Variants in DNMBP observed in about 807,000 individuals in gnomAD.
DNMBP encodes the protein dynamin-binding protein.
In DNMBP, 87 loss-of-function variants were observed where a neutral mutation model predicts 150.0. The ratio of observed to expected loss-of-function variants is 0.58; its 90% CI spans 0.49 to 0.69. DNMBP has a LOEUF of 0.69. Among genes scored for constraint, DNMBP ranks in the 30% least tolerant of loss-of-function variants. DNMBP has a pLI of 0.00. For synonymous variants in DNMBP, 711 were observed against 750.4 expected (o/e 0.95, Z 0.86); for missense variants, 1,774 against 1,949.0 (o/e 0.91, Z 1.69).
intron 1 of DNMBP, among the ~76,000 whole-genome samples, chr10:99,988,396 G>A (rs1304458128): frequency 6.6e-6 from 1 of 152,052 alleles, no homozygotes; most frequent in Non-Finnish European, 1.5e-5. Context: ...TGGCCCACTG[G>A]GTACAGGAAA....
chr10:99,898,390 T>C (rs1414525762), intron 8 of DNMBP, 105 bp from the exon 9 acceptor site: 1 of 861,858 alleles, frequency 1.2e-6, no homozygotes, highest in Non-Finnish European at 1.9e-6. Context: ...TTTAACATAA[T>C]AATAATGTAC....
chr10:99,940,858 G>T (rs913419830), intron 4 of DNMBP, among the ~76,000 whole-genome samples: 12 of 151,974 alleles, frequency 7.9e-5, no homozygotes, highest in Admixed American at 3.9e-4. Context: ...ACCTTACTTG[G>T]CCTCTCGGCA....
At chr10:99,973,111 T>C (rs1053623178) in intron 1 of DNMBP, among the ~76,000 whole-genome samples, 1 of 146,652 alleles carries the variant, frequency 6.8e-6, no homozygotes, top group African/African-American at 2.6e-5. Flanking sequence ...ATTTATTTAT[T>C]TGTAGAGATG....
chr10:99,929,628 T>G (rs748988440), intron 4 of DNMBP: 36 of 685,386 alleles, frequency 5.3e-5, no homozygotes, highest in Non-Finnish European at 9.2e-5. Context: ...CTTGCTGTTT[T>G]GCACGAACTC....
At chr10:99,949,659 T>C (rs2133319312) in intron 4 of DNMBP, among the ~76,000 whole-genome samples, 1 of 152,310 alleles carries the variant, frequency 6.6e-6, no homozygotes, top group African/African-American at 2.4e-5. Flanking sequence ...CTGTATTTGG[T>C]GGATTCAAAT....
chr10:99,974,649 C>T (rs1812070725), intron 1 of DNMBP, among the ~76,000 whole-genome samples: 1 of 152,086 alleles, frequency 6.6e-6, no homozygotes, highest in Non-Finnish European at 1.5e-5. Context: ...TCAACCATCT[C>T]AAGTACTTAT....
chr10:99,974,161 TAAGA>T (rs2040704910), intron 1 of DNMBP, among the ~76,000 whole-genome samples: 1 of 152,070 alleles, frequency 6.6e-6, no homozygotes, highest in Non-Finnish European at 1.5e-5. Context: ...TAAAAATCTG[TAAGA>T]AAGGAAGAAA....
chr10:100,000,552 A>C (rs1239416130), intron 1 of DNMBP, among the ~76,000 whole-genome samples: 4 of 152,144 alleles, frequency 2.6e-5, no homozygotes, highest in Non-Finnish European at 4.4e-5. Context: ...TTTCATTTGC[A>C]ATGTCAAAGA....
intron 3 of DNMBP, among the ~76,000 whole-genome samples, chr10:99,962,114 TAGAAA>T (rs749811878): frequency 2.0e-5 from 3 of 152,088 alleles, no homozygotes; most frequent in Non-Finnish European, 4.4e-5. Flanking sequence ...GTCTATAGCC[TAGAAA>T]AGAAATTATT....
intron 16 of DNMBP, among the ~76,000 whole-genome samples, chr10:99,879,422 G>C (rs1394637022): frequency 6.6e-6 from 1 of 152,042 alleles, no homozygotes. Flanking sequence ...AGTGAGCTGA[G>C]ATCATGCATT....
chr10:99,885,551 G>A lies in DNMBP; in HGVS notation c.3798+136C>T, dbSNP rs1054898835. ...TGGCGAATGCATGAGCCCATGATGG[G>A]TGAGAATGCAACACTATTCTCCATT... On this transcript the variant is annotated intron_variant, in intron 14 of 16. Transcript: ENST00000324109. 11 of 838,730 alleles carry A rather than the reference G, an allele frequency of 1.3e-5. No homozygotes were observed. In the Admixed American group the frequency reaches 3.0e-4, roughly 23 times the overall value. 52.0% of individuals were successfully genotyped at this position (838,730 alleles called of 1,614,324 possible).
At chr10:100,005,785 C>A (rs7083172) in intron 1 of DNMBP, among the ~76,000 whole-genome samples, 40,674 of 108,148 alleles carry the variant, frequency 0.38, 7,021 homozygotes, top group African/African-American at 0.48. Context: ...AAAAAAAAAA[C>A]CAAACTACAT....
Position 99,876,978 on chromosome 10 carries a change from A to G in DNMBP, c.*173T>C, listed in dbSNP as rs906806270. On this transcript the variant is annotated 3_prime_UTR_variant, in exon 17 of 17. Coordinates refer to ENST00000324109, the MANE Select transcript of DNMBP (RefSeq NM_015221.4). ...ATTCTAGAGATTCTAGTGAGCATCAAGGTTTACAACCCAATCGAGGAGAAC... is the reference window on the plus strand; with the variant it reads ...ATTCTAGAGATTCTAGTGAGCATCAGGGTTTACAACCCAATCGAGGAGAAC... 3 of 530,762 alleles carry G rather than the reference A, an allele frequency of 5.7e-6. No individual in the cohort carries two copies. The highest frequency in any genetic ancestry group is 2.0e-5 in the African/African-American group (1 of 50,958). The allele number at this position is 530,762 out of a possible 1,614,324, so 32.9% of individuals were successfully genotyped here. A position where few individuals can be genotyped will look rare whatever the true frequency, so the allele number is the denominator to read the frequency against.
In DNMBP at chr10:99,886,312, CT is replaced by C; in HGVS notation, c.3605del (p.Lys1202SerfsTer113). The C allele has an allele frequency of 6.2e-7, 1 of 1,612,184 alleles. No individual in the cohort carries two copies. Among genetic ancestry groups the C allele is most frequent in the Middle Eastern group, 1.7e-4 (1 of 6,058 alleles). The stretch of plus-strand genomic sequence containing the variant: ...GTAAGAAACTCACCGAAAGCAGTGG[CT>C]TTAATTGCTCCAGAGCCTGGTGCAC... ...DFVHQALEQL[K>X]PLLSLLKVAG... On this transcript the variant is annotated frameshift_variant, in exon 13 of 17. Coordinates refer to ENST00000324109, the MANE Select transcript of DNMBP (RefSeq NM_015221.4). LOFTEE classifies it high-confidence loss of function.
At chr10:99,960,699 G>A (rs548021704) in intron 3 of DNMBP, among the ~76,000 whole-genome samples, 11 of 152,208 alleles carry the variant, frequency 7.2e-5, no homozygotes, top group South Asian at 4.2e-4. Flanking sequence ...CCAGCTACTC[G>A]AGAGGCTGAG....
At chr10:99,942,330 AGATT>A (rs2040309626) in intron 4 of DNMBP, among the ~76,000 whole-genome samples, 1 of 152,228 alleles carries the variant, frequency 6.6e-6, no homozygotes, top group South Asian at 2.1e-4. Flanking sequence ...ATGAAGGCAG[AGATT>A]GATTGCTACT....
At chr10:99,930,916 C>G in intron 4 of DNMBP, 1 of 536,390 alleles carries the variant, frequency 1.9e-6, no homozygotes, top group South Asian at 2.9e-5. Flanking sequence ...CTAGTCGGAG[C>G]GCAGTGAGAT....
At chr10:99,901,235 ACTT>A (rs2039732827) in intron 6 of DNMBP, among the ~76,000 whole-genome samples, 2 of 152,110 alleles carry the variant, frequency 1.3e-5, no homozygotes, top group East Asian at 1.9e-4. Context: ...AGCCATATGT[ACTT>A]CTTTATAAGG....
intron 4 of DNMBP, among the ~76,000 whole-genome samples, chr10:99,910,651 T>A (rs769174903): frequency 6.6e-6 from 1 of 152,138 alleles, no homozygotes; most frequent in Non-Finnish European, 1.5e-5. Context: ...ATTCCAGGGC[T>A]GGGGCAGAGA....
Sources: gnomAD v4.1 joint callset for allele counts (sites outside exome capture counted in the v4.1 genomes callset) on GRCh38, gnomAD v4.1.1 for gene constraint, MANE v1.5 for transcripts, NCBI Gene and HGNC (gene_info 2026-07-23, HGNC 2026-07-21) for gene names.